Variants in GTF2F2 observed in about 807,000 individuals in gnomAD.
The protein encoded by GTF2F2 is general transcription factor IIF subunit 2, also known as ATP-dependent helicase GTF2F2.
A neutral mutation model predicts 42.2 loss-of-function variants in GTF2F2; 23 were observed. That is an observed-to-expected ratio of 0.55 (90% confidence interval 0.39 to 0.77). GTF2F2 has a LOEUF of 0.77. Among genes scored for constraint, GTF2F2 ranks in the 30% least tolerant of loss-of-function variants. GTF2F2 has a pLI of 0.00. For synonymous variants in GTF2F2, 105 were observed against 100.8 expected (o/e 1.04, Z -0.25); for missense variants, 261 against 287.2 (o/e 0.91, Z 0.66).
intron 4 of GTF2F2, among the ~76,000 whole-genome samples, chr13:45,189,364 C>T (rs1308275735): frequency 1.3e-5 from 2 of 152,120 alleles, no homozygotes; most frequent in East Asian, 1.9e-4. Context: ...AATAAACATA[C>T]GTGTGCATGT....
intron 5 of GTF2F2, among the ~76,000 whole-genome samples, chr13:45,217,093 G>A (rs1029791787): frequency 9.9e-5 from 15 of 151,890 alleles, no homozygotes; most frequent in African/African-American, 3.6e-4. Flanking sequence ...GAGGTCAGGA[G>A]TTCAAGACCA....
At chr13:45,219,044 A>T (rs79175849) in intron 5 of GTF2F2, among the ~76,000 whole-genome samples, 4,856 of 151,602 alleles carry the variant, frequency 0.032, 214 homozygotes, top group African/African-American at 0.094. Flanking sequence ...TGTTTTTTTT[A>T]AAAAAAAGGC....
intron 5 of GTF2F2, among the ~76,000 whole-genome samples, chr13:45,247,392 T>TG (rs1555271584): frequency 6.6e-6 from 1 of 151,742 alleles, no homozygotes; most frequent in Non-Finnish European, 1.5e-5. Context: ...TACCTGGTTT[T>TG]TTTGTTTGTT....
chr13:45,141,648 A>G (rs1010912398), intron 2 of GTF2F2, among the ~76,000 whole-genome samples: 4 of 152,116 alleles, frequency 2.6e-5, no homozygotes, highest in African/African-American at 9.7e-5. Flanking sequence ...GTTCCTTACA[A>G]ATACTGTGTG....
chr13:45,132,539 G>C (rs1482252887), intron 1 of GTF2F2, among the ~76,000 whole-genome samples: 1 of 151,834 alleles, frequency 6.6e-6, no homozygotes, highest in Non-Finnish European at 1.5e-5. Context: ...GAAGACAGAA[G>C]TTATAATCTT....
At chr13:45,204,137 A>G (rs1873324462) in intron 4 of GTF2F2, among the ~76,000 whole-genome samples, 1 of 152,160 alleles carries the variant, frequency 6.6e-6, no homozygotes. Context: ...ATTTAAATTT[A>G]GGTTTTTTAA....
chr13:45,270,478 G>A (rs552680600), intron 7 of GTF2F2, among the ~76,000 whole-genome samples: 5 of 152,232 alleles, frequency 3.3e-5, no homozygotes, highest in Non-Finnish European at 5.9e-5. Flanking sequence ...GAGGCTGAGC[G>A]TGCTAGCTCA....
At position 45,276,856 on chromosome 13, in the gene GTF2F2, G is replaced by A. The variant is rs558596852; in HGVS notation, c.631-6586G>A. ...GAAGCATTTGTCAGTGCTGGATAGAGGAGATGTTACTAAAGTGAGATAATT... is the reference window on the plus strand; with the variant it reads ...GAAGCATTTGTCAGTGCTGGATAGAAGAGATGTTACTAAAGTGAGATAATT... On this transcript the variant is annotated intron_variant, in intron 7 of 7. Coordinates refer to ENST00000340473, the MANE Select transcript of GTF2F2 (RefSeq NM_004128.3). Among the ~76,000 whole-genome samples the A allele has an allele frequency of 2.6e-5, 4 of 152,230 alleles. No homozygotes were observed. In the South Asian group the frequency reaches 6.2e-4, roughly 24 times the overall value.
At chr13:45,215,299 C>T (rs781111269) in intron 5 of GTF2F2, among the ~76,000 whole-genome samples, 15 of 152,170 alleles carry the variant, frequency 9.9e-5, no homozygotes, top group Non-Finnish European at 2.2e-4. Flanking sequence ...TCATTGAAAA[C>T]AGGATACTTT....
chr13:45,225,429 C>G (rs937977506), intron 5 of GTF2F2, among the ~76,000 whole-genome samples: 2 of 149,310 alleles, frequency 1.3e-5, no homozygotes, highest in Non-Finnish European at 2.9e-5. Context: ...AACACCCTAC[C>G]AATAATTAAT....
chr13:45,197,625 T>C (rs1424258739), intron 4 of GTF2F2, among the ~76,000 whole-genome samples: 1 of 152,142 alleles, frequency 6.6e-6, no homozygotes, highest in East Asian at 1.9e-4. Context: ...TCATTGATCA[T>C]TGCTGCCTGT....
intron 1 of GTF2F2, among the ~76,000 whole-genome samples, chr13:45,130,428 A>C (rs1026663533): frequency 2.0e-5 from 3 of 152,256 alleles, no homozygotes; most frequent in Non-Finnish European, 4.4e-5. Flanking sequence ...TGAGCAGAAC[A>C]GTATCATCTG....
At chr13:45,247,213 T>C (rs2138241566) in intron 5 of GTF2F2, among the ~76,000 whole-genome samples, 1 of 150,160 alleles carries the variant, frequency 6.7e-6, no homozygotes, top group South Asian at 2.1e-4. Flanking sequence ...AAAATAAAAA[T>C]CAGCCAGGTG....
intron 5 of GTF2F2, among the ~76,000 whole-genome samples, chr13:45,211,252 A>G (rs755799589): frequency 2.0e-5 from 3 of 152,204 alleles, no homozygotes; most frequent in African/African-American, 4.8e-5. Context: ...CAGAAAATAC[A>G]TAAAATTGTA....
At chr13:45,252,234 C>A (rs1245147678) in intron 5 of GTF2F2, among the ~76,000 whole-genome samples, 1 of 152,148 alleles carries the variant, frequency 6.6e-6, no homozygotes, top group Admixed American at 6.6e-5. Context: ...CCTCGACCTC[C>A]CAGGCTCAAG....
At chr13:45,157,079 CA>C (rs1870798285) in intron 4 of GTF2F2, among the ~76,000 whole-genome samples, 1 of 152,036 alleles carries the variant, frequency 6.6e-6, no homozygotes. Context: ...GGTGGGACCT[CA>C]TTGAGAAGGT....
In GTF2F2 at chr13:45,258,577, A is replaced by T. The variant is rs114581482; in HGVS notation, c.486+5607A>T. Among the ~76,000 whole-genome samples, 515 of 152,308 alleles carry T rather than the reference A, an allele frequency of 3.4e-3. 1 individual carries two copies. The highest frequency in any genetic ancestry group is 0.012 in the African/African-American group (501 of 41,558). ...CTTTGTGAGTGTTGTACCTTGTTAT[A>T]TTAGCTTAGCTATTGCTGATACAAA... is the stretch of plus-strand genomic sequence containing the variant. On this transcript the variant is annotated intron_variant, in intron 6 of 7. Coordinates refer to ENST00000340473, the MANE Select transcript of GTF2F2 (RefSeq NM_004128.3).
At chr13:45,156,096 G>A (rs1193242507) in intron 4 of GTF2F2, among the ~76,000 whole-genome samples, 1 of 151,904 alleles carries the variant, frequency 6.6e-6, no homozygotes, top group Non-Finnish European at 1.5e-5. Flanking sequence ...CACCATGTCT[G>A]GCTCTTAGAT....
intron 5 of GTF2F2, chr13:45,220,957 G>C (rs1027645411): frequency 1.3e-5 from 2 of 150,582 alleles, no homozygotes; most frequent in Non-Finnish European, 2.9e-5. Context: ...GTGTGTGTGT[G>C]TGTGTGTGTG....
Sources: gnomAD v4.1 joint callset for allele counts (sites outside exome capture counted in the v4.1 genomes callset) on GRCh38, gnomAD v4.1.1 for gene constraint, MANE v1.5 for transcripts, NCBI Gene and HGNC (gene_info 2026-07-23, HGNC 2026-07-21) for gene names.